The following CLYBL variants were observed in gnomAD, a reference collection of about 807,000 sequenced individuals.
The protein encoded by CLYBL is citramalyl-CoA lyase, mitochondrial.
A neutral mutation model predicts 38.9 loss-of-function variants in CLYBL; 31 were observed. The observed-to-expected ratio is 0.80, with a 90% CI of 0.60 to 1.08. The LOEUF (loss-of-function observed/expected upper bound fraction) is 1.08, where lower values mean the gene tolerates loss of function less well. CLYBL is among the 50% of genes least tolerant of loss of function. CLYBL has a pLI of 0.00. For synonymous variants in CLYBL, 171 were observed against 158.6 expected (o/e 1.08, Z -0.59); for missense variants, 434 against 411.6 (o/e 1.05, Z -0.47).
At chr13:99,716,524 C>G (rs962101594) in intron 1 of CLYBL, among the ~76,000 whole-genome samples, 13 of 151,178 alleles carry the variant, frequency 8.6e-5, no homozygotes, top group Non-Finnish European at 1.8e-4. Context: ...GCTGGGATAA[C>G]AGGCATCTGC....
At chr13:99,623,919 A>G (rs1263828480) in intron 1 of CLYBL, among the ~76,000 whole-genome samples, 1 of 149,242 alleles carries the variant, frequency 6.7e-6, no homozygotes, top group Non-Finnish European at 1.5e-5. Flanking sequence ...AGATCGTGCC[A>G]CTGCACTCCA....
rs2051294498 is a variant in CLYBL, at chr13:99,849,986, A to AAT, written c.250-8867_250-8866dup. Among the ~76,000 whole-genome samples the AAT allele has an allele frequency of 6.6e-6, 1 of 152,238 alleles. No homozygotes were observed. The highest frequency in any genetic ancestry group is 2.4e-5 in the African/African-American group (1 of 41,450). On this transcript the variant is annotated intron_variant, in intron 2 of 8. Transcript: ENST00000339105. This position sits in a 1 kb window ranked among gnomAD's most constrained non-coding sequence, Gnocchi z 4.9. ...ATCCCCCCAATCCACACCATATACAAATATATATACTCAAAATGTATTAAA... is the reference window on the plus strand; with the variant it reads ...ATCCCCCCAATCCACACCATATACAAATATATATATACTCAAAATGTATTAAA...
At chr13:99,703,717 G>C (rs2139467069) in intron 1 of CLYBL, among the ~76,000 whole-genome samples, 1 of 152,206 alleles carries the variant, frequency 6.6e-6, no homozygotes, top group East Asian at 1.9e-4. Context: ...GATGTATTCA[G>C]AAAGATTATC....
intron 1 of CLYBL, among the ~76,000 whole-genome samples, chr13:99,712,536 C>G (rs2139497774): frequency 6.6e-6 from 1 of 151,578 alleles, no homozygotes; most frequent in Non-Finnish European, 1.5e-5. Context: ...TTGGTAGAGA[C>G]AGAGTTTTGC....
intron 1 of CLYBL, among the ~76,000 whole-genome samples, chr13:99,754,402 G>T (rs577074101): frequency 8.1e-6 from 1 of 123,572 alleles, no homozygotes; most frequent in South Asian, 2.7e-4. Context: ...GGGCAACAGC[G>T]TGAGACCCTG....
At chr13:99,637,962 C>CTGTTTTT (rs2047043577) in intron 1 of CLYBL, among the ~76,000 whole-genome samples, 1 of 94,998 alleles carries the variant, frequency 1.1e-5, no homozygotes, top group African/African-American at 3.9e-5. Flanking sequence ...TCAACAGTGC[C>CTGTTTTT]TTTTTTTTTT....
At chr13:99,800,899 A>C (rs1447978910) in intron 2 of CLYBL, among the ~76,000 whole-genome samples, 3 of 132,304 alleles carry the variant, frequency 2.3e-5, no homozygotes, top group East Asian at 4.2e-4. Flanking sequence ...AACAACAAAA[A>C]AAAAAAACAA....
rs561233579 is a variant in CLYBL, at chr13:99,610,538, C to T, written c.62+3781C>T. ...ACCAGCGAGGTCTCTGCTTGGTTAG[C>T]TTAGTAGTCTAACAATTAGACAAAG... On this transcript the variant is annotated intron_variant, in intron 1 of 8. Transcript: ENST00000339105. Among the ~76,000 whole-genome samples, 30 of 152,246 alleles carry T rather than the reference C, an allele frequency of 2.0e-4. No individual in the cohort carries two copies. The South Asian group carries it at 5.8e-3, about 29-fold the overall frequency.
chr13:99,871,091 G>C, intron 7 of CLYBL, 29 bp downstream of exon 7: 6 of 1,611,066 alleles, frequency 3.7e-6, no homozygotes, highest in Non-Finnish European at 3.4e-6. Context: ...CCTTGGGTGA[G>C]AGCAGTATTG....
At position 99,808,175 on chromosome 13, in the gene CLYBL, G is replaced by A. The variant is rs962637785; in HGVS notation, c.249+35165G>A. ...ATCACAGCTCACTGCAGCGTGGACC[G>A]CCTGGGCTCAAGCAATTCTCCTGCC... On this transcript the variant is annotated intron_variant, in intron 2 of 8. Transcript: ENST00000339105. Among the ~76,000 whole-genome samples the A allele has an allele frequency of 4.6e-5, 7 of 152,204 alleles. No individual in the cohort carries two copies. In the South Asian group the frequency reaches 1.0e-3, roughly 23 times the overall value.
At chr13:99,652,034 G>A (rs912400005) in intron 1 of CLYBL, among the ~76,000 whole-genome samples, 3 of 152,204 alleles carry the variant, frequency 2.0e-5, no homozygotes, top group African/African-American at 7.2e-5. Context: ...CACCGTCGGT[G>A]GAAAGCAACT....
intron 2 of CLYBL, among the ~76,000 whole-genome samples, chr13:99,787,574 C>T (rs2138871507): frequency 6.6e-6 from 1 of 152,302 alleles, no homozygotes; most frequent in South Asian, 2.1e-4. Flanking sequence ...TGTTTTGCTA[C>T]CAGTACCATG....
chr13:99,630,766 C>T (rs893296358), intron 1 of CLYBL, among the ~76,000 whole-genome samples: 8 of 152,138 alleles, frequency 5.3e-5, no homozygotes, highest in African/African-American at 1.7e-4. Context: ...ACTACAGTCT[C>T]CCGAGCTCTT....
At chr13:99,659,412 G>C (rs1393112987) in intron 1 of CLYBL, among the ~76,000 whole-genome samples, 2 of 152,102 alleles carry the variant, frequency 1.3e-5, no homozygotes, top group African/African-American at 4.8e-5. Flanking sequence ...AGCAAATTGC[G>C]ACCCTTCAAA....
At position 99,730,272 on chromosome 13, in the gene CLYBL, T is replaced by C. The variant is rs544253877; in HGVS notation, c.63-42552T>C. On this transcript the variant is annotated intron_variant, in intron 1 of 8. Transcript: ENST00000339105. ...ACTCCTTTGGTATCTGGATCTTCCT[T>C]TTAAACTTTGACTAACACGTGTGGC... 7.9e-5 allele frequency among the ~76,000 whole-genome samples: 12 copies of C among 152,334 alleles called. No individual in the cohort carries two copies. The South Asian group carries it at 2.5e-3, about 32-fold the overall frequency.
chr13:99,856,601 T>G lies in CLYBL; in HGVS notation c.250-2260T>G, dbSNP rs866659428. On this transcript the variant is annotated intron_variant, in intron 2 of 8. Transcript: ENST00000339105. The stretch of plus-strand genomic sequence containing the variant: ...TTCTCCACAGCCATGGATCTAAATG[T>G]GCCTTCCAAAAAGCTGAAAGTATTT... Among the ~76,000 whole-genome samples, 40 of 152,284 alleles carry G rather than the reference T, an allele frequency of 2.6e-4. 1 individual carries two copies. Among genetic ancestry groups the G allele is most frequent in the Admixed American group, 1.5e-3 (23 of 15,306 alleles).
chr13:99,793,049 C>CACACACACACACAG (rs2049951743), intron 2 of CLYBL, among the ~76,000 whole-genome samples: 2 of 151,828 alleles, frequency 1.3e-5, no homozygotes, highest in African/African-American at 4.8e-5. Context: ...CACACACACA[C>CACACACACACACAG]ACACACACAC....
intron 7 of CLYBL, among the ~76,000 whole-genome samples, chr13:99,873,349 T>C (rs967717338): frequency 7.2e-5 from 11 of 152,136 alleles, no homozygotes; most frequent in African/African-American, 2.7e-4. Flanking sequence ...CACAATTATA[T>C]AAAGTATTGC....
At chr13:99,833,386 G>A (rs1180832475) in intron 2 of CLYBL, among the ~76,000 whole-genome samples, 3 of 151,932 alleles carry the variant, frequency 2.0e-5, no homozygotes, top group Non-Finnish European at 4.4e-5. Flanking sequence ...TTAAAGGAAA[G>A]AAGGATTAAA....
Sources: allele counts gnomAD v4.1 joint callset (sites outside exome capture counted in the v4.1 genomes callset), GRCh38; gene constraint gnomAD v4.1.1; non-coding constraint Gnocchi (gnomAD v3.1); transcripts MANE v1.5; gene names NCBI Gene and HGNC (gene_info 2026-07-23, HGNC 2026-07-21).